The following CTTNBP2 variants were observed in gnomAD, a reference collection of about 807,000 sequenced individuals.
The protein encoded by CTTNBP2 is cortactin-binding protein 2.
In CTTNBP2, 108 loss-of-function variants were observed where a neutral mutation model predicts 156.9. The ratio of observed to expected loss-of-function variants is 0.69; its 90% CI spans 0.59 to 0.81. CTTNBP2 has a LOEUF of 0.81. Ranked by LOEUF, CTTNBP2 falls within the 30% of genes least tolerant of loss-of-function variation. The pLI, the probability that CTTNBP2 is intolerant of heterozygous loss-of-function variation, is 0.00. For missense variants in CTTNBP2, 1,924 were observed against 2,035.4 expected (o/e 0.95, Z 1.05); for synonymous variants, 767 against 751.8 (o/e 1.02, Z -0.33).
At chr7:117,865,095 T>A (rs1804078316) in intron 1 of CTTNBP2, among the ~76,000 whole-genome samples, 1 of 151,366 alleles carries the variant, frequency 6.6e-6, no homozygotes, top group Non-Finnish European at 1.5e-5. Context: ...CTATTTTAAG[T>A]CATATAATGT....
chr7:117,822,346 T>G (rs1383987635), intron 2 of CTTNBP2, among the ~76,000 whole-genome samples: 1 of 152,214 alleles, frequency 6.6e-6, no homozygotes, highest in Non-Finnish European at 1.5e-5. Context: ...TATTATTATT[T>G]TTCCTATTGT....
intron 16 of CTTNBP2, among the ~76,000 whole-genome samples, chr7:117,732,864 T>C (rs1795480639): frequency 6.6e-6 from 1 of 152,092 alleles, no homozygotes; most frequent in South Asian, 2.1e-4. Flanking sequence ...TAAATTGATA[T>C]CACTGTACTA....
chr7:117,859,903 C>T (rs1803597922), intron 2 of CTTNBP2, among the ~76,000 whole-genome samples: 1 of 152,174 alleles, frequency 6.6e-6, no homozygotes, highest in Admixed American at 6.5e-5. Context: ...TATGAAAATA[C>T]ATTGAAGACA....
At chr7:117,755,106 C>G (rs10230544) in intron 12 of CTTNBP2, among the ~76,000 whole-genome samples, 62,079 of 152,050 alleles carry the variant, frequency 0.41, 16,437 homozygotes, top group African/African-American at 0.75. Flanking sequence ...TAATGATATA[C>G]ATCTCCTTCC....
chr7:117,789,550 C>T (rs767838583), intron 4 of CTTNBP2, among the ~76,000 whole-genome samples: 7 of 152,128 alleles, frequency 4.6e-5, no homozygotes, highest in African/African-American at 9.6e-5. Flanking sequence ...TTTTAGGCCA[C>T]GAGAAAAGCT....
chr7:117,859,054 A>G (rs1197048794), intron 2 of CTTNBP2, among the ~76,000 whole-genome samples: 2 of 152,194 alleles, frequency 1.3e-5, no homozygotes, highest in African/African-American at 4.8e-5. Flanking sequence ...TATTGAGTAC[A>G]TCATATTTTA....
At chr7:117,848,061 C>T (rs1008883519) in intron 2 of CTTNBP2, among the ~76,000 whole-genome samples, 7 of 152,044 alleles carry the variant, frequency 4.6e-5, no homozygotes, top group African/African-American at 1.7e-4. Context: ...TCGTGATCCA[C>T]CCACCTCGGC....
Position 117,792,857 on chromosome 7 carries a change from T to C in CTTNBP2, c.415-76A>G, listed in dbSNP as rs776421186. On this transcript the variant is annotated intron_variant, in intron 3 of 22. Coordinates refer to ENST00000160373, the MANE Select transcript of CTTNBP2 (RefSeq NM_033427.3). The surrounding 1 kb of genome is among the most constrained non-coding windows in gnomAD (Gnocchi z 4.2). ...CACCAAGGAAATGCTTTTTGTGAGA[T>C]TTTTATTAATTTTCTAACAATTACA... is the stretch of plus-strand genomic sequence containing the variant. The C allele has an allele frequency of 1.1e-5, 11 of 1,047,098 alleles. No individual in the cohort carries two copies. The highest frequency in any genetic ancestry group is 3.2e-5 in the African/African-American group (2 of 61,704). 64.9% of individuals were successfully genotyped at this position (1,047,098 alleles called of 1,614,324 possible).
intron 2 of CTTNBP2, among the ~76,000 whole-genome samples, chr7:117,837,676 C>T (rs1802037043): frequency 6.6e-6 from 1 of 152,132 alleles, no homozygotes; most frequent in South Asian, 2.1e-4. Flanking sequence ...AATTTTATAT[C>T]ATATTTTTAA....
At chr7:117,828,813 T>C (rs1031705217) in intron 2 of CTTNBP2, among the ~76,000 whole-genome samples, 1 of 152,162 alleles carries the variant, frequency 6.6e-6, no homozygotes, top group Admixed American at 6.5e-5. Flanking sequence ...TGTTGGGCAT[T>C]TGGGGGCAGA....
chr7:117,866,519 C>A (rs1248806174), intron 1 of CTTNBP2, among the ~76,000 whole-genome samples: 1 of 152,124 alleles, frequency 6.6e-6, no homozygotes, highest in African/African-American at 2.4e-5. Context: ...ATTTAAAATC[C>A]AGCAGGTTGT....
At chr7:117,862,727 C>T (rs959374374) in intron 1 of CTTNBP2, among the ~76,000 whole-genome samples, 1 of 152,152 alleles carries the variant, frequency 6.6e-6, no homozygotes, top group Admixed American at 6.5e-5. Flanking sequence ...TCAAAACATG[C>T]CAGAACATTA....
At chr7:117,844,214 CAGA>C (rs1802444613) in intron 2 of CTTNBP2, among the ~76,000 whole-genome samples, 1 of 152,070 alleles carries the variant, frequency 6.6e-6, no homozygotes, top group Non-Finnish European at 1.5e-5. Context: ...ATGGAACCTC[CAGA>C]AGAAATGCAG....
chr7:117,829,406 G>A (rs1194466011), intron 2 of CTTNBP2, among the ~76,000 whole-genome samples: 13 of 152,224 alleles, frequency 8.5e-5, no homozygotes, highest in Admixed American at 4.6e-4. Context: ...TCAGTTACAT[G>A]GAAGTGTTGG....
At chr7:117,809,050 A>G (rs1248936832) in intron 3 of CTTNBP2, among the ~76,000 whole-genome samples, 4 of 152,204 alleles carry the variant, frequency 2.6e-5, no homozygotes, top group African/African-American at 9.6e-5. Flanking sequence ...CTGTATTCCC[A>G]TTATACATGG....
Position 117,792,457 on chromosome 7 carries a change from G to C in CTTNBP2, c.739C>G (p.Arg247Gly), listed in dbSNP as rs200377533. Residue 247 changes from arginine to glycine, a missense_variant, in exon 4 of 23, where the codon CGG (arginine) becomes GGG (glycine). Transcript: ENST00000160373. This position sits in a 1 kb window ranked among gnomAD's most constrained non-coding sequence, Gnocchi z 4.2. ...AGGTCAGTGGTGTGTGCTTCTTCCC[G>C]GTTCAGCTTGGCACGAAGCTGTTCC... Reference protein sequence around the residue: ...EREQLRAKLNREEAHTTDLKE... With the variant: ...EREQLRAKLNGEEAHTTDLKE... 1.2e-6 allele frequency: 2 copies of C among 1,614,110 alleles called. No individual in the cohort carries two copies. Among genetic ancestry groups the C allele is most frequent in the Non-Finnish European group, 1.7e-6 (2 of 1,180,020 alleles).
intron 1 of CTTNBP2, among the ~76,000 whole-genome samples, chr7:117,868,015 CAGCT>C (rs994918198): frequency 6.6e-6 from 1 of 152,172 alleles, no homozygotes; most frequent in African/African-American, 2.4e-5. Flanking sequence ...TAATTAAGCT[CAGCT>C]ACCTCCCTTT....
At chr7:117,836,002 T>C (rs1440013096) in intron 2 of CTTNBP2, among the ~76,000 whole-genome samples, 2 of 152,204 alleles carry the variant, frequency 1.3e-5, no homozygotes, top group Admixed American at 6.5e-5. Context: ...GCACAGGCCA[T>C]GTTGCCTGAC....
At chr7:117,812,479 C>T (rs990695280) in intron 2 of CTTNBP2, among the ~76,000 whole-genome samples, 9 of 151,786 alleles carry the variant, frequency 5.9e-5, no homozygotes, top group Non-Finnish European at 1.0e-4. Context: ...TAGATAAACA[C>T]AAATCTAATG....
Sources: allele counts gnomAD v4.1 joint callset (sites outside exome capture counted in the v4.1 genomes callset), GRCh38; gene constraint gnomAD v4.1.1; non-coding constraint Gnocchi (gnomAD v3.1); transcripts MANE v1.5; gene names NCBI Gene and HGNC (gene_info 2026-07-23, HGNC 2026-07-21).